Variants in SIK3 observed in about 807,000 individuals in gnomAD.
The protein encoded by SIK3 is serine/threonine-protein kinase SIK3.
SIK3 carries 28 observed loss-of-function variants against 144.2 expected under a neutral mutation model. That is an observed-to-expected ratio of 0.19 (90% confidence interval 0.14 to 0.27). The LOEUF is 0.27. Among genes scored for constraint, SIK3 ranks in the 10% least tolerant of loss-of-function variants. The pLI is 1.00. For missense variants in SIK3, 1,319 were observed against 1,776.0 expected, an observed-to-expected ratio of 0.74 and a Z score of 4.62; for synonymous variants, 686 against 676.3, an observed-to-expected ratio of 1.01 and a Z score of -0.22.
intron 1 of SIK3, among the ~76,000 whole-genome samples, chr11:116,965,496 A>G (rs2513097): frequency 0.37 from 55,841 of 151,206 alleles, 12,543 homozygotes; most frequent in African/African-American, 0.64. Context: ...ATTTCAGATT[A>G]AACAAATTGC....
chr11:116,985,331 C>CA (rs1420837615), intron 1 of SIK3, among the ~76,000 whole-genome samples: 7 of 152,040 alleles, frequency 4.6e-5, no homozygotes, highest in Non-Finnish European at 1.0e-4. Context: ...GTCAAAAAAA[C>CA]AAAAAAAGTT....
chr11:116,948,744 A>G (rs972799161), intron 3 of SIK3, among the ~76,000 whole-genome samples: 3 of 151,962 alleles, frequency 2.0e-5, no homozygotes, highest in African/African-American at 7.2e-5. Flanking sequence ...GATATCCTCT[A>G]TTGTTTTTCT....
intron 1 of SIK3, among the ~76,000 whole-genome samples, chr11:117,034,622 A>C (rs575373330): frequency 6.6e-6 from 1 of 152,340 alleles, no homozygotes; most frequent in Admixed American, 6.5e-5. Context: ...TAAATGTAGT[A>C]ATGTATAAGT....
chr11:117,079,868 A>G (rs1440483421), intron 1 of SIK3, among the ~76,000 whole-genome samples: 2 of 152,096 alleles, frequency 1.3e-5, no homozygotes, highest in Non-Finnish European at 2.9e-5. Flanking sequence ...AATTTCCCTA[A>G]TATTAAAAAG....
chr11:116,951,504 T>C (rs1415969886), intron 3 of SIK3, among the ~76,000 whole-genome samples: 1 of 152,198 alleles, frequency 6.6e-6, no homozygotes, highest in East Asian at 1.9e-4. Context: ...TTACTTTCAA[T>C]GACAAAAGCC....
chr11:117,016,414 A>AGGAAGGAAGGAAGGAC (rs1452427721), intron 1 of SIK3, among the ~76,000 whole-genome samples: 2 of 145,388 alleles, frequency 1.4e-5, no homozygotes, highest in Non-Finnish European at 1.5e-5. Flanking sequence ...GAAGGAAGGA[A>AGGAAGGAAGGAAGGAC]GGAAGGAAGG....
chr11:116,849,209 C>T lies in SIK3; in HGVS notation c.3730G>A (p.Gly1244Arg), dbSNP rs1942232771. ...TGGACGGAGGGGCGTGCTGGGTACC[C>T]GAGCCCATTGTGATCCGGCAGCTCC... is the stretch of plus-strand genomic sequence containing the variant. ...AVELPDHNGLGYPARPSVHEH... is the reference protein window; with the variant it reads ...AVELPDHNGLRYPARPSVHEH... The change falls in exon 22 of 25, where the codon GGG (glycine) becomes AGG (arginine). Residue 1244 changes from glycine (G) to arginine (R), a missense_variant. Coordinates refer to ENST00000445177, the MANE Select transcript of SIK3 (RefSeq NM_001366686.3). The surrounding 1 kb of genome is among the most constrained non-coding windows in gnomAD (Gnocchi z 4.2). 1.9e-6 allele frequency: 3 copies of T among 1,614,130 alleles called. No homozygotes were observed. The highest frequency in any genetic ancestry group is 1.7e-6 in the Non-Finnish European group (2 of 1,180,012).
intron 1 of SIK3, among the ~76,000 whole-genome samples, chr11:117,076,069 C>T (rs1954520782): frequency 6.6e-6 from 1 of 151,534 alleles, no homozygotes; most frequent in Non-Finnish European, 1.5e-5. Context: ...GGCTGGTCTC[C>T]AACTCCTGAT....
intron 1 of SIK3, among the ~76,000 whole-genome samples, chr11:117,025,065 C>G (rs541353640): frequency 6.6e-6 from 1 of 152,178 alleles, no homozygotes; most frequent in Non-Finnish European, 1.5e-5. Flanking sequence ...ACTCATCCAT[C>G]GGTAATAACA....
rs1317295751 is a variant in SIK3, at chr11:116,858,747, A to G, written c.2766-48T>C. 6.6e-7 allele frequency: 1 copy of G among 1,513,644 alleles called. No homozygotes were observed. Among genetic ancestry groups the G allele is most frequent in the Non-Finnish European group, 8.8e-7 (1 of 1,131,630 alleles). The allele number at this position is 1,513,644 out of a possible 1,614,324, so 93.8% of individuals were successfully genotyped here. A position where few individuals can be genotyped will look rare whatever the true frequency, so the allele number is the denominator to read the frequency against. ...CAGACATCCATGTAACAAGTACTAGACTTCCTGGGAACAGCTCCTCCTCCT... is the reference window on the plus strand; with the variant it reads ...CAGACATCCATGTAACAAGTACTAGGCTTCCTGGGAACAGCTCCTCCTCCT... On this transcript the variant is annotated intron_variant, in intron 20 of 24. Coordinates refer to ENST00000445177, the MANE Select transcript of SIK3 (RefSeq NM_001366686.3). The surrounding 1 kb of genome is among the most constrained non-coding windows in gnomAD (Gnocchi z 5.4).
At chr11:117,018,108 G>A (rs1001684658) in intron 1 of SIK3, among the ~76,000 whole-genome samples, 1 of 152,062 alleles carries the variant, frequency 6.6e-6, no homozygotes, top group South Asian at 2.1e-4. Flanking sequence ...GTAACAGCTT[G>A]GGGGGAAACC....
At chr11:117,081,213 T>C (rs541600451) in intron 1 of SIK3, among the ~76,000 whole-genome samples, 2 of 152,308 alleles carry the variant, frequency 1.3e-5, no homozygotes, top group South Asian at 4.1e-4. Flanking sequence ...TAGTTAATGT[T>C]TTCTCTGGAG....
chr11:116,911,679 G>T (rs1946353989), intron 4 of SIK3, among the ~76,000 whole-genome samples: 1 of 152,168 alleles, frequency 6.6e-6, no homozygotes, highest in African/African-American at 2.4e-5. Flanking sequence ...AAACGGTTTT[G>T]TTGCTGTTTA....
chr11:116,876,367 T>C lies in SIK3; in HGVS notation c.985-4A>G. 6.2e-7 allele frequency: 1 copy of C among 1,610,048 alleles called. No homozygotes were observed. Among genetic ancestry groups the C allele is most frequent in the Non-Finnish European group, 8.5e-7 (1 of 1,176,446 alleles). ...GTTGTTGGCATTCAGCTATTAACTG[T>C]AACATAAAAAGGAGGAAGCTGTCAA... On this transcript the variant is annotated splice_region_variant and splice_polypyrimidine_tract_variant and intron_variant, in intron 7 of 24. Coordinates refer to ENST00000445177, the MANE Select transcript of SIK3 (RefSeq NM_001366686.3).
intron 1 of SIK3, among the ~76,000 whole-genome samples, chr11:117,006,584 G>C (rs974570498): frequency 6.6e-6 from 1 of 151,692 alleles, no homozygotes; most frequent in African/African-American, 2.4e-5. Flanking sequence ...GAACCCTTTA[G>C]CCTAGGAGTT....
intron 21 of SIK3, among the ~76,000 whole-genome samples, chr11:116,850,598 C>T (rs1409300614): frequency 6.6e-6 from 1 of 152,196 alleles, no homozygotes; most frequent in Non-Finnish European, 1.5e-5. Flanking sequence ...CAATTATGTA[C>T]TTAATCATTC....
chr11:116,889,224 C>G (rs1349948068), intron 6 of SIK3, among the ~76,000 whole-genome samples: 1 of 152,162 alleles, frequency 6.6e-6, no homozygotes, highest in African/African-American at 2.4e-5. Flanking sequence ...TGTGCTATTA[C>G]CTATTCTAAA....
chr11:117,007,339 C>G (rs941849994), intron 1 of SIK3, among the ~76,000 whole-genome samples: 5 of 152,220 alleles, frequency 3.3e-5, no homozygotes, highest in Non-Finnish European at 5.9e-5. Flanking sequence ...GATCACGCCA[C>G]TGCACTCCAG....
intron 6 of SIK3, among the ~76,000 whole-genome samples, chr11:116,892,292 A>G (rs1945166266): frequency 6.6e-6 from 1 of 152,312 alleles, no homozygotes; most frequent in Admixed American, 6.5e-5. Context: ...CTTCCAGAGG[A>G]CAGGAGGAAA....
Sources: allele counts gnomAD v4.1 joint callset (sites outside exome capture counted in the v4.1 genomes callset), GRCh38; gene constraint gnomAD v4.1.1; non-coding constraint Gnocchi (gnomAD v3.1); transcripts MANE v1.5; gene names NCBI Gene and HGNC (gene_info 2026-07-23, HGNC 2026-07-21).